Variants in GRIK1 observed in about 807,000 individuals in gnomAD.
GRIK1 encodes glutamate ionotropic receptor kainate type subunit 1, also known as glutamate receptor ionotropic, kainate 1.
In GRIK1, 69 loss-of-function variants were observed where a neutral mutation model predicts 105.7. The observed-to-expected ratio is 0.65, with a 90% CI of 0.54 to 0.80. The LOEUF (loss-of-function observed/expected upper bound fraction) is 0.80. GRIK1 is among the 30% of genes least tolerant of loss of function. The pLI is 0.00. For missense variants in GRIK1, 1,109 were observed against 1,167.3 expected (o/e 0.95, Z 0.73); for synonymous variants, 438 against 431.3 (o/e 1.02, Z -0.19).
At chr21:29,853,555 A>T (rs1483846312) in intron 1 of GRIK1, among the ~76,000 whole-genome samples, 4 of 152,244 alleles carry the variant, frequency 2.6e-5, no homozygotes, top group African/African-American at 4.8e-5. Context: ...AATTCTACTT[A>T]CTGTGTTTTT....
At chr21:29,927,083 C>T (rs1207074060) in intron 1 of GRIK1, among the ~76,000 whole-genome samples, 1 of 152,140 alleles carries the variant, frequency 6.6e-6, no homozygotes, top group Non-Finnish European at 1.5e-5. Flanking sequence ...TTGGCATGGT[C>T]TGTGTGGGCC....
chr21:29,664,206 G>A (rs2063018683), intron 4 of GRIK1, among the ~76,000 whole-genome samples: 1 of 152,150 alleles, frequency 6.6e-6, no homozygotes, highest in Non-Finnish European at 1.5e-5. Context: ...GGGAGACTTG[G>A]TATGTTAGGC....
intron 1 of GRIK1, among the ~76,000 whole-genome samples, chr21:29,796,127 T>G (rs1300530705): frequency 6.6e-6 from 1 of 152,220 alleles, no homozygotes; most frequent in Non-Finnish European, 1.5e-5. Context: ...GCAGGCCTAT[T>G]TATTAAGAAA....
At chr21:29,683,017 C>A (rs1051970456) in intron 3 of GRIK1, among the ~76,000 whole-genome samples, 1 of 152,130 alleles carries the variant, frequency 6.6e-6, no homozygotes, top group African/African-American at 2.4e-5. Context: ...AAGTGGCCAA[C>A]GAGCATATGA....
intron 14 of GRIK1, among the ~76,000 whole-genome samples, chr21:29,564,141 A>AT (rs2090552853): frequency 1.3e-5 from 2 of 150,800 alleles, no homozygotes; most frequent in African/African-American, 5.0e-5. Flanking sequence ...TTTTCACCAC[A>AT]TTTATTTATT....
intron 1 of GRIK1, among the ~76,000 whole-genome samples, chr21:29,837,795 A>G (rs1049358043): frequency 6.6e-6 from 1 of 152,208 alleles, no homozygotes; most frequent in African/African-American, 2.4e-5. Flanking sequence ...ACTGTTCCAC[A>G]TTAGTGGTAC....
chr21:29,561,052 C>G (rs1439291058), intron 15 of GRIK1, among the ~76,000 whole-genome samples: 1 of 152,098 alleles, frequency 6.6e-6, no homozygotes. Context: ...AATAATATTC[C>G]TAGGAGAGCA....
Position 29,689,974 on chromosome 21 carries a change from G to A in GRIK1, c.298C>T (p.Leu100=), listed in dbSNP as rs1226831381. 1.2e-6 allele frequency: 2 copies of A among 1,613,128 alleles called. No homozygotes were observed. Among genetic ancestry groups the A allele is most frequent in the Admixed American group, 1.7e-5 (1 of 59,976 alleles). Residue 100 remains leucine, a synonymous_variant, in exon 3 of 18, where the codon CTG becomes TTG. Transcript: ENST00000327783. ...FEASRRACDQ[L]ALGVAALFGP... is the part of the protein sequence containing the mutation. ...AAGAGAGCAGCCACACCAAGAGCCA[G>A]CTGGTCACATGCTGATGCCCAAGGA...
At chr21:29,656,589 C>T (rs1449371035) in intron 4 of GRIK1, among the ~76,000 whole-genome samples, 1 of 152,034 alleles carries the variant, frequency 6.6e-6, no homozygotes, top group Non-Finnish European at 1.5e-5. Context: ...GTCTGAAAAT[C>T]ACTGCTCTAT....
At position 29,615,322 on chromosome 21, in the gene GRIK1, C is replaced by CT. The variant is rs545698842; in HGVS notation, c.1099-16386dup. Among the ~76,000 whole-genome samples the CT allele has an allele frequency of 9.8e-4, 145 of 148,440 alleles. 3 individuals are homozygous for CT. Among genetic ancestry groups the CT allele is most frequent in the African/African-American group, 2.7e-3 (105 of 38,214 alleles). On this transcript the variant is annotated intron_variant, in intron 7 of 17. Coordinates refer to ENST00000327783, the MANE Select transcript of GRIK1 (RefSeq NM_001330994.2). ...TATTCCTTTTTTTCTTTCTTTCTTT[C>CT]TTTTTTTGATACAGAGTCTTGCTCT...
At chr21:29,784,371 A>T (rs8129242) in intron 1 of GRIK1, among the ~76,000 whole-genome samples, 13 of 152,000 alleles carry the variant, frequency 8.6e-5, no homozygotes, top group African/African-American at 3.1e-4. Context: ...CTGACAGATA[A>T]TAATATTGAC....
intron 3 of GRIK1, among the ~76,000 whole-genome samples, chr21:29,686,121 G>A (rs2063482255): frequency 6.6e-6 from 1 of 152,148 alleles, no homozygotes; most frequent in South Asian, 2.1e-4. Context: ...TGGAATCTAA[G>A]CATAGAAATA....
At chr21:29,538,132 T>C (rs1394678067) in intron 16 of GRIK1, among the ~76,000 whole-genome samples, 1 of 151,836 alleles carries the variant, frequency 6.6e-6, no homozygotes, top group Non-Finnish European at 1.5e-5. Flanking sequence ...TTCACATGCA[T>C]AGTACATAAA....
At chr21:29,917,682 A>T (rs1321353824) in intron 1 of GRIK1, among the ~76,000 whole-genome samples, 5 of 151,984 alleles carry the variant, frequency 3.3e-5, no homozygotes, top group Non-Finnish European at 7.4e-5. Context: ...TGACCCCAAA[A>T]TAATTGTAAA....
chr21:29,706,130 T>A (rs1284625778), intron 1 of GRIK1, among the ~76,000 whole-genome samples: 2 of 152,216 alleles, frequency 1.3e-5, no homozygotes, highest in East Asian at 3.8e-4. Flanking sequence ...CGCCTCGGCC[T>A]CCCAAAGCGC....
rs187495319 is a variant in GRIK1, at chr21:29,541,730, A to T, written c.2608-3846T>A. Among the ~76,000 whole-genome samples, 308 of 151,930 alleles carry T rather than the reference A, an allele frequency of 2.0e-3. 1 individual carries two copies. Among genetic ancestry groups the T allele is most frequent in the African/African-American group, 6.9e-3 (285 of 41,398 alleles). On this transcript the variant is annotated intron_variant, in intron 16 of 17. Coordinates refer to ENST00000327783, the MANE Select transcript of GRIK1 (RefSeq NM_001330994.2). The stretch of plus-strand genomic sequence containing the variant: ...AGTTCCCATAGGTGTTAAAACATAA[A>T]TTTTCAATGCCTATTACCACTTCTT...
At chr21:29,671,503 C>T (rs2063160036) in intron 4 of GRIK1, among the ~76,000 whole-genome samples, 1 of 151,272 alleles carries the variant, frequency 6.6e-6, no homozygotes. Context: ...AAACTCAATT[C>T]TGAACTCAAT....
chr21:29,938,418 C>A (rs1213391397), intron 1 of GRIK1, among the ~76,000 whole-genome samples: 2 of 152,198 alleles, frequency 1.3e-5, no homozygotes, highest in African/African-American at 4.8e-5. Flanking sequence ...TGAGATTCAG[C>A]GAACAATAAC....
chr21:29,851,226 T>C (rs1288076640), intron 1 of GRIK1, among the ~76,000 whole-genome samples: 1 of 152,088 alleles, frequency 6.6e-6, no homozygotes, highest in Admixed American at 6.6e-5. Flanking sequence ...AGCTAACTTT[T>C]GTATTTTTGG....
Sources: gnomAD v4.1 joint callset for allele counts (sites outside exome capture counted in the v4.1 genomes callset) on GRCh38, gnomAD v4.1.1 for gene constraint, MANE v1.5 for transcripts, NCBI Gene and HGNC (gene_info 2026-07-23, HGNC 2026-07-21) for gene names.